The following NIM1K variants were observed in gnomAD, a reference collection of about 807,000 sequenced individuals.
The protein encoded by NIM1K is serine/threonine-protein kinase NIM1.
A neutral mutation model predicts 37.1 loss-of-function variants in NIM1K; 35 were observed. The observed-to-expected ratio is 0.94, with a 90% CI of 0.72 to 1.25. NIM1K has a LOEUF of 1.25. Ranked by LOEUF, NIM1K falls within the 50% of genes most tolerant of loss-of-function variation. The pLI, the probability that NIM1K is intolerant of heterozygous loss-of-function variation, is 0.00. For synonymous variants in NIM1K, 234 were observed against 206.6 expected (o/e 1.13, Z -1.14); for missense variants, 564 against 548.0 (o/e 1.03, Z -0.29).
At position 43,207,560 on chromosome 5, in the gene NIM1K, T is replaced by C. The variant is rs1008124866; in HGVS notation, c.-695+15149T>C. 8.3e-5 allele frequency: 57 copies of C among 690,264 alleles called. 1 individual carries two copies. In the African/African-American group the frequency reaches 9.5e-4, roughly 12 times the overall value. The allele number at this position is 690,264 out of a possible 1,614,324, so 42.8% of individuals were successfully genotyped here. On this transcript the variant is annotated intron_variant, in intron 1 of 3. Transcript: ENST00000326035. Reference sequence around the variant, plus strand: ...CATGTCTCCAGAAGAAGATTCCACATGGGAGTTTCTCAGACTGAATCTTGA... The same window carrying C: ...CATGTCTCCAGAAGAAGATTCCACACGGGAGTTTCTCAGACTGAATCTTGA...
At chr5:43,278,004 C>A (rs1359319348) in intron 3 of NIM1K, among the ~76,000 whole-genome samples, 2 of 149,954 alleles carry the variant, frequency 1.3e-5, no homozygotes, top group African/African-American at 4.9e-5. Flanking sequence ...TTTTCTTCCT[C>A]CCTTCCTTTC....
intron 2 of NIM1K, among the ~76,000 whole-genome samples, chr5:43,270,421 A>G (rs2111557878): frequency 6.6e-6 from 1 of 152,294 alleles, no homozygotes; most frequent in South Asian, 2.1e-4. Flanking sequence ...AAAATGAAGG[A>G]AGAGAGATTC....
intron 2 of NIM1K, among the ~76,000 whole-genome samples, chr5:43,246,914 G>A (rs968766958): frequency 6.6e-6 from 1 of 152,052 alleles, no homozygotes; most frequent in African/African-American, 2.4e-5. Context: ...TTACAGCTCG[G>A]CATAATTTAC....
At chr5:43,226,217 C>G (rs1407657053) in intron 1 of NIM1K, among the ~76,000 whole-genome samples, 1 of 152,146 alleles carries the variant, frequency 6.6e-6, no homozygotes, top group Non-Finnish European at 1.5e-5. Context: ...AGATGGGAAG[C>G]CATCAAAGGG....
At position 43,223,750 on chromosome 5, in the gene NIM1K, G is replaced by A. The variant is rs868045457; in HGVS notation, c.-694-21332G>A. ...TAGGTGGGAAACCTTTGAGCCCCTAGATGGATAATTCAGAGGGCAGGAAAG... is the reference window on the plus strand; with the variant it reads ...TAGGTGGGAAACCTTTGAGCCCCTAAATGGATAATTCAGAGGGCAGGAAAG... On this transcript the variant is annotated intron_variant, in intron 1 of 3. Coordinates refer to ENST00000326035, the MANE Select transcript of NIM1K (RefSeq NM_153361.4). 6.4e-4 allele frequency among the ~76,000 whole-genome samples: 98 copies of A among 152,200 alleles called. 1 individual carries two copies. Among genetic ancestry groups the A allele is most frequent in the African/African-American group, 2.2e-3 (92 of 41,446 alleles).
In NIM1K at chr5:43,215,512, C is replaced by G. The variant is rs867870272; in HGVS notation, c.-695+23101C>G. On this transcript the variant is annotated intron_variant, in intron 1 of 3. Coordinates refer to ENST00000326035, the MANE Select transcript of NIM1K (RefSeq NM_153361.4). ...TGTAGTGGCGCAATCTCGGCTCACGCAGTCCCCGCCTCCTGGGCTCAGGTG... is the reference window on the plus strand; with the variant it reads ...TGTAGTGGCGCAATCTCGGCTCACGGAGTCCCCGCCTCCTGGGCTCAGGTG... Among the ~76,000 whole-genome samples, 78 of 152,204 alleles carry G rather than the reference C, an allele frequency of 5.1e-4. 1 individual carries two copies. The highest frequency in any genetic ancestry group is 1.8e-3 in the African/African-American group (73 of 41,446).
Position 43,277,666 on chromosome 5 carries a change from C to T in NIM1K, c.561+341C>T, listed in dbSNP as rs554111393. ...GGCTCCTCACTGCTTCTTGGTTTTG[C>T]TTTCCTACTTCTGTCTAGGATGCCC... On this transcript the variant is annotated intron_variant, in intron 3 of 3. Transcript: ENST00000326035. 7.2e-5 allele frequency among the ~76,000 whole-genome samples: 11 copies of T among 152,104 alleles called. No homozygotes were observed. The South Asian group carries it at 2.1e-3, about 29-fold the overall frequency.
chr5:43,234,275 A>G (rs987868321), intron 1 of NIM1K, among the ~76,000 whole-genome samples: 2 of 137,224 alleles, frequency 1.5e-5, no homozygotes, highest in Non-Finnish European at 3.3e-5. Context: ...CATTCATTCA[A>G]TGCATGCATT....
At chr5:43,264,600 G>A (rs1753092440) in intron 2 of NIM1K, among the ~76,000 whole-genome samples, 1 of 152,158 alleles carries the variant, frequency 6.6e-6, no homozygotes, top group African/African-American at 2.4e-5. Context: ...CTTTTAATTG[G>A]AGGATTTAGC....
At chr5:43,219,337 T>A (rs2112228204) in intron 1 of NIM1K, among the ~76,000 whole-genome samples, 1 of 152,290 alleles carries the variant, frequency 6.6e-6, no homozygotes, top group East Asian at 1.9e-4. Context: ...ATTAGGAGTC[T>A]CAGGTATGTC....
At chr5:43,213,603 C>T (rs1363286282) in intron 1 of NIM1K, among the ~76,000 whole-genome samples, 3 of 152,190 alleles carry the variant, frequency 2.0e-5, no homozygotes, top group Non-Finnish European at 4.4e-5. Flanking sequence ...AAGTGATTCT[C>T]CTGCCTCAGC....
chr5:43,208,620 A>G (rs1006445050), intron 1 of NIM1K, among the ~76,000 whole-genome samples: 4 of 152,130 alleles, frequency 2.6e-5, no homozygotes, highest in African/African-American at 7.2e-5. Context: ...GAAAAAAAAA[A>G]GAAAAAAGAA....
intron 1 of NIM1K, among the ~76,000 whole-genome samples, chr5:43,220,557 A>G (rs1022967824): frequency 6.6e-6 from 1 of 152,186 alleles, no homozygotes; most frequent in African/African-American, 2.4e-5. Flanking sequence ...CTGGGATTAC[A>G]GGCGTGAGCT....
chr5:43,220,484 T>C (rs1054707474), intron 1 of NIM1K, among the ~76,000 whole-genome samples: 4 of 152,040 alleles, frequency 2.6e-5, no homozygotes, highest in Middle Eastern at 3.2e-3. Context: ...CAGAGTTTCA[T>C]TGGCCAGGCT....
intron 1 of NIM1K, among the ~76,000 whole-genome samples, chr5:43,236,717 A>G (rs1752627250): frequency 6.6e-6 from 1 of 152,208 alleles, no homozygotes; most frequent in African/African-American, 2.4e-5. Context: ...TAGAAGTAAT[A>G]TATGGGAAGA....
At chr5:43,225,301 T>TAGCTCAA (rs1306812024) in intron 1 of NIM1K, among the ~76,000 whole-genome samples, 1 of 131,042 alleles carries the variant, frequency 7.6e-6, no homozygotes, top group Non-Finnish European at 1.6e-5. Context: ...GATAACTACA[T>TAGCTCAA]AGCTCAAAAA....
At chr5:43,226,882 G>T (rs1366423363) in intron 1 of NIM1K, among the ~76,000 whole-genome samples, 1 of 152,180 alleles carries the variant, frequency 6.6e-6, no homozygotes, top group Non-Finnish European at 1.5e-5. Context: ...ATGTGAGTGT[G>T]GTAGTCAAAG....
chr5:43,231,247 A>G (rs531639828), intron 1 of NIM1K, among the ~76,000 whole-genome samples: 16 of 152,164 alleles, frequency 1.1e-4, no homozygotes, highest in Non-Finnish European at 2.2e-4. Flanking sequence ...GGTCCAGGAG[A>G]TCGAGGCTGC....
intron 2 of NIM1K, among the ~76,000 whole-genome samples, chr5:43,273,568 G>A (rs1022603597): frequency 3.3e-5 from 5 of 152,244 alleles, no homozygotes; most frequent in African/African-American, 1.2e-4. Context: ...ACCTTGCTAT[G>A]TTTTCTCATT....
Sources: gnomAD v4.1 joint callset for allele counts (sites outside exome capture counted in the v4.1 genomes callset) on GRCh38, gnomAD v4.1.1 for gene constraint, MANE v1.5 for transcripts, NCBI Gene and HGNC (gene_info 2026-07-23, HGNC 2026-07-21) for gene names.